Variants in ITK observed in about 807,000 individuals in gnomAD.
ITK encodes the protein tyrosine-protein kinase ITK/TSK.
A neutral mutation model predicts 87.6 loss-of-function variants in ITK; 45 were observed. The observed-to-expected ratio is 0.51, with a 90% CI of 0.40 to 0.66. The LOEUF is 0.66. Ranked by LOEUF, ITK falls within the 30% of genes least tolerant of loss-of-function variation. The probability of loss-of-function intolerance (pLI) is 0.00; values close to 1 mark genes in which losing one functional copy is unlikely to be tolerated. For synonymous variants in ITK, 303 were observed against 273.6 expected, an observed-to-expected ratio of 1.11 and a Z score of -1.06; for missense variants, 605 against 766.3, an observed-to-expected ratio of 0.79 and a Z score of 2.48.
chr5:157,228,712 G>A (rs542774071), intron 7 of ITK, among the ~76,000 whole-genome samples: 6 of 151,416 alleles, frequency 4.0e-5, no homozygotes, highest in East Asian at 1.9e-4. Context: ...TCGGCTCATC[G>A]CAACCTCAAC....
At chr5:157,214,493 A>T (rs576872433) in intron 4 of ITK, among the ~76,000 whole-genome samples, 174 bp downstream of exon 4, 2 of 152,172 alleles carry the variant, frequency 1.3e-5, no homozygotes, top group Non-Finnish European at 2.9e-5. Context: ...TCCATCTCAA[A>T]GCTGATGTCT....
At chr5:157,201,931 T>C (rs995900687) in intron 1 of ITK, among the ~76,000 whole-genome samples, 1 of 152,162 alleles carries the variant, frequency 6.6e-6, no homozygotes, top group African/African-American at 2.4e-5. Context: ...TACAGATTAT[T>C]TCATCACCCA....
At chr5:157,240,503 A>G (rs1262598981) in intron 10 of ITK, 6 of 444,736 alleles carry the variant, frequency 1.3e-5, no homozygotes, top group Admixed American at 3.5e-5. Context: ...CTGCTGCTCT[A>G]GAGGACAAAG....
intron 8 of ITK, among the ~76,000 whole-genome samples, chr5:157,237,449 A>G (rs1754799296): frequency 2.0e-5 from 3 of 152,230 alleles, no homozygotes; most frequent in South Asian, 2.1e-4. Flanking sequence ...TATCTAGCAA[A>G]TGGGTTCAAT....
chr5:157,229,668 C>T (rs547836128), intron 7 of ITK, among the ~76,000 whole-genome samples: 2 of 152,322 alleles, frequency 1.3e-5, no homozygotes, highest in East Asian at 1.9e-4. Flanking sequence ...AGTCTCAACA[C>T]TTTGGGAGGC....
intron 1 of ITK, among the ~76,000 whole-genome samples, chr5:157,194,113 A>T (rs763812136): frequency 6.6e-6 from 1 of 152,160 alleles, no homozygotes; most frequent in Non-Finnish European, 1.5e-5. Context: ...CTTTGCTCCT[A>T]CATACATTAG....
At chr5:157,187,514 A>C (rs368688591) in intron 1 of ITK, among the ~76,000 whole-genome samples, 4 of 152,350 alleles carry the variant, frequency 2.6e-5, no homozygotes, top group East Asian at 3.9e-4. Flanking sequence ...GGCAAGTGAC[A>C]TAGGACTTCA....
At chr5:157,229,618 A>G (rs1475923653) in intron 7 of ITK, among the ~76,000 whole-genome samples, 2 of 152,200 alleles carry the variant, frequency 1.3e-5, no homozygotes, top group Non-Finnish European at 2.9e-5. Flanking sequence ...GTCCACATTA[A>G]AAAAGACTAA....
chr5:157,184,145 A>T (rs55764322), intron 1 of ITK, among the ~76,000 whole-genome samples: 4,510 of 152,000 alleles, frequency 0.03, 200 homozygotes, highest in African/African-American at 0.099. Context: ...GTGCCTGTCA[A>T]TTTTTTTCCA....
In ITK at chr5:157,228,346, A is replaced by C; in HGVS notation, c.698A>C (p.Asn233Thr). ...TATCTGGTGGAAAAATCTCCAAATAATCTGGAAACCTATGAGTAAGATATT... is the reference window on the plus strand; with the variant it reads ...TATCTGGTGGAAAAATCTCCAAATACTCTGGAAACCTATGAGTAAGATATT... ...SSYLVEKSPN[N>T]LETYEWYNKS... Residue 233 changes from asparagine (N) to threonine (T), a missense_variant, in exon 7 of 17, where the codon AAT becomes ACT. Around this residue, in one of 3 missense-constraint regions of ITK, gnomAD observed 464 missense variants for 578.0 expected, o/e 0.80. Coordinates refer to ENST00000422843, the MANE Select transcript of ITK (RefSeq NM_005546.4). 1 of 1,594,722 alleles carries C rather than the reference A, an allele frequency of 6.3e-7. No homozygotes were observed. The highest frequency in any genetic ancestry group is 8.6e-7 in the Non-Finnish European group (1 of 1,162,400).
intron 7 of ITK, among the ~76,000 whole-genome samples, chr5:157,231,428 C>T (rs1754650824): frequency 6.6e-6 from 1 of 152,176 alleles, no homozygotes; most frequent in South Asian, 2.1e-4. Flanking sequence ...TTTCCCAATC[C>T]TCGATTAGAT....
At chr5:157,203,765 C>T (rs961612587) in intron 1 of ITK, among the ~76,000 whole-genome samples, 1 of 152,172 alleles carries the variant, frequency 6.6e-6, no homozygotes, top group Non-Finnish European at 1.5e-5. Flanking sequence ...CCAAAGGGCA[C>T]GTTTGCAGAG....
chr5:157,243,857 A>G, intron 12 of ITK, 63 bp downstream of exon 12: 1 of 1,509,016 alleles, frequency 6.6e-7, no homozygotes, highest in Non-Finnish European at 9.2e-7. Context: ...GTGTTCTTGA[A>G]ATGCCATTCA....
At position 157,223,562 on chromosome 5, in the gene ITK, T is replaced by G. The variant is rs78223120; in HGVS notation, c.647+548T>G. Among the ~76,000 whole-genome samples the G allele has an allele frequency of 3.7e-3, 567 of 152,166 alleles. 2 individuals are homozygous for G. Among genetic ancestry groups the G allele is most frequent in the African/African-American group, 0.013 (531 of 41,500 alleles). ...GGTTGTACAAATACTACTTTCCCAC[T>G]ATGCAACTTTTGAATGAAAAAAATA... On this transcript the variant is annotated intron_variant, in intron 6 of 16. Transcript: ENST00000422843.
intron 4 of ITK, 73 bp downstream of exon 4, chr5:157,214,392 A>T: frequency 8.1e-7 from 1 of 1,229,456 alleles, no homozygotes; most frequent in East Asian, 2.3e-5. Flanking sequence ...GCCTTTAATC[A>T]TTGAGGGTGT....
At chr5:157,197,128 A>G (rs551246584) in intron 1 of ITK, among the ~76,000 whole-genome samples, 1 of 152,340 alleles carries the variant, frequency 6.6e-6, no homozygotes, top group East Asian at 1.9e-4. Context: ...TTTCACTTAT[A>G]AGATAAATAT....
chr5:157,185,247 T>TA (rs1415606061), intron 1 of ITK, among the ~76,000 whole-genome samples: 2 of 151,988 alleles, frequency 1.3e-5, no homozygotes, highest in African/African-American at 4.8e-5. Flanking sequence ...GCTATCTTTT[T>TA]TTTTTTTTTT....
At chr5:157,204,845 A>T (rs1026376167) in intron 1 of ITK, among the ~76,000 whole-genome samples, 2 of 152,256 alleles carry the variant, frequency 1.3e-5, no homozygotes, top group African/African-American at 4.8e-5. Flanking sequence ...TACTTAAAAA[A>T]CTAAAAACCA....
chr5:157,199,065 T>A (rs139828605), intron 1 of ITK, among the ~76,000 whole-genome samples: 123 of 152,320 alleles, frequency 8.1e-4, no homozygotes, highest in African/African-American at 2.8e-3. Context: ...GCTACTAGCA[T>A]TTGCTAGTAG....
Sources: allele counts gnomAD v4.1 joint callset (sites outside exome capture counted in the v4.1 genomes callset), GRCh38; gene constraint gnomAD v4.1.1; regional missense constraint gnomAD v4.1.1; transcripts MANE v1.5; gene names NCBI Gene and HGNC (gene_info 2026-07-23, HGNC 2026-07-21).